The following PGM3 variants were observed in gnomAD, a reference collection of about 807,000 sequenced individuals.
PGM3 encodes phosphoacetylglucosamine mutase.
In PGM3, 40 loss-of-function variants were observed where a neutral mutation model predicts 66.2. That is an observed-to-expected ratio of 0.60 (90% CI 0.47 to 0.79). The LOEUF (loss-of-function observed/expected upper bound fraction) is 0.79, where lower values mean the gene tolerates loss of function less well. Ranked by LOEUF, PGM3 falls within the 30% of genes least tolerant of loss-of-function variation. The pLI, the probability that PGM3 is intolerant of heterozygous loss-of-function variation, is 0.00. For synonymous variants in PGM3, 191 were observed against 224.2 expected (o/e 0.85, Z 1.32); for missense variants, 537 against 643.4 (o/e 0.83, Z 1.79).
downstream of PGM3, chr6:83,158,621 C>T (rs773538615): frequency 1.6e-5 from 25 of 1,597,878 alleles, no homozygotes; most frequent in Admixed American, 1.0e-4. Context: ...AGATATTTCA[C>T]GGTAATATGT....
At chr6:83,155,931 T>C in the PGM3 span, 1 of 1,603,036 alleles carries the variant, frequency 6.2e-7, no homozygotes, top group Non-Finnish European at 8.5e-7. Flanking sequence ...TGTCACAGTC[T>C]CTTTCACTTG....
At position 83,190,973 on chromosome 6, in the gene PGM3, C is replaced by T. The variant is rs760545832; in HGVS notation, c.40G>A (p.Ala14Thr). 5.6e-6 allele frequency: 9 copies of T among 1,613,916 alleles called. No homozygotes were observed. Among genetic ancestry groups the T allele is most frequent in the African/African-American group, 1.3e-5 (1 of 74,900 alleles). The change falls in exon 2 of 13, where the codon GCC becomes ACC. Residue 14 changes from alanine (A) to threonine (T), a missense_variant. Ala to Thr is a moderately conservative substitution (Grantham distance 58). Transcript: ENST00000513973. ...GAITKYSALH[A>T]KPNGLILQYG... ...TGAAGGATCAGTCCATTGGGCTTGG[C>T]GTGTAATGCTGAGTATTTTGTAATA...
chr6:83,155,916 G>T, the PGM3 span: 2 of 1,589,362 alleles, frequency 1.3e-6, no homozygotes, highest in South Asian at 2.3e-5. Context: ...TTCTTCAGAT[G>T]ACAGTGTCAC....
At chr6:83,153,938 G>A in the PGM3 span, 1 of 1,613,808 alleles carries the variant, frequency 6.2e-7, no homozygotes, top group Non-Finnish European at 8.5e-7. Flanking sequence ...CAGCTGCTCA[G>A]CAGTCTTAGT....
intron 3 of PGM3, 49 bp from the exon 4 acceptor site, chr6:83,187,124 G>T (rs1363277579): frequency 8.1e-7 from 1 of 1,241,338 alleles, no homozygotes. Flanking sequence ...GAAACTGGCA[G>T]GGTTGCTGGT....
chr6:83,152,056 A>G, the PGM3 span: 34 of 1,612,608 alleles, frequency 2.1e-5, no homozygotes, highest in African/African-American at 4.3e-4. Context: ...TAGGTTTATT[A>G]TCTGTAAGCA....
In PGM3 at chr6:83,167,407, G is replaced by C; in HGVS notation, c.*1827C>G. On this transcript the variant is annotated 3_prime_UTR_variant, in exon 13 of 13. Coordinates refer to ENST00000513973, the MANE Select transcript of PGM3 (RefSeq NM_015599.3). ...CATCATGGCAAATTTAGGCCATTTA[G>C]ATAAAAGGGAATTAACTAATTATAA... 1.0e-6 allele frequency: 1 copy of C among 981,432 alleles called. No homozygotes were observed. The highest frequency in any genetic ancestry group is 1.2e-6 in the Non-Finnish European group (1 of 826,182). 60.8% of individuals were successfully genotyped at this position (981,432 alleles called of 1,614,324 possible). A position where few individuals can be genotyped will look rare whatever the true frequency, so the allele number is the denominator to read the frequency against.
chr6:83,152,120 T>G, the PGM3 span: 1 of 1,444,562 alleles, frequency 6.9e-7, no homozygotes, highest in East Asian at 2.3e-5. Flanking sequence ...ACCACAAATT[T>G]ATCCCTTTTC....
chr6:83,152,860 C>T, the PGM3 span, among the ~76,000 whole-genome samples: 5 of 152,050 alleles, frequency 3.3e-5, no homozygotes, highest in South Asian at 4.1e-4. Flanking sequence ...TCAGGTAATC[C>T]GCCCACCTCG....
intron 9 of PGM3, among the ~76,000 whole-genome samples, chr6:83,175,694 T>C (rs1159703525): frequency 6.6e-6 from 1 of 152,196 alleles, no homozygotes; most frequent in African/African-American, 2.4e-5. Flanking sequence ...ATAGACAACA[T>C]ACTTATAAAA....
chr6:83,192,708 A>T (rs1233139848), intron 1 of PGM3, among the ~76,000 whole-genome samples: 1 of 152,168 alleles, frequency 6.6e-6, no homozygotes, highest in African/African-American at 2.4e-5. Flanking sequence ...CATTAAAAAA[A>T]AAAAGGTCCA....
chr6:83,155,701 A>C, the PGM3 span, among the ~76,000 whole-genome samples: 117 of 152,304 alleles, frequency 7.7e-4, no homozygotes, highest in African/African-American at 2.6e-3. Context: ...AAATGGTATT[A>C]GTGGTTTTAC....
At chr6:83,183,022 A>G in intron 4 of PGM3, 44 bp from the exon 5 acceptor site, 3 of 1,588,964 alleles carry the variant, frequency 1.9e-6, no homozygotes, top group Non-Finnish European at 2.6e-6. Flanking sequence ...TTTCTTAACA[A>G]AGAGAAAAAA....
At chr6:83,184,460 T>TTAGA (rs1788427988) in intron 4 of PGM3, among the ~76,000 whole-genome samples, 1 of 152,228 alleles carries the variant, frequency 6.6e-6, no homozygotes, top group African/African-American at 2.4e-5. Flanking sequence ...CTTAGATTAG[T>TTAGA]TTAATGGAAG....
chr6:83,189,601 T>G (rs1788888630), intron 2 of PGM3, among the ~76,000 whole-genome samples: 1 of 152,220 alleles, frequency 6.6e-6, no homozygotes, highest in African/African-American at 2.4e-5. Flanking sequence ...AACTTGCTGC[T>G]GATTTAGCTA....
rs761340567 is a variant in PGM3, at chr6:83,172,071, GA to G, written c.1243-13del. The G allele has an allele frequency of 5.6e-6, 9 of 1,611,554 alleles. No homozygotes were observed. The highest frequency in any genetic ancestry group is 7.6e-6 in the Non-Finnish European group (9 of 1,179,312). ...GCATCACCAGCTGCCTGCAAATGGG[GA>G]AACAAATGGAAGAAACCACTTAACA... On this transcript the variant is annotated splice_polypyrimidine_tract_variant and intron_variant, in intron 10 of 12. Transcript: ENST00000513973.
chr6:83,182,670 G>A (rs535618644), intron 5 of PGM3, among the ~76,000 whole-genome samples, 175 bp downstream of exon 5: 2 of 152,262 alleles, frequency 1.3e-5, no homozygotes, highest in Non-Finnish European at 2.9e-5. Context: ...GCCAATGTAA[G>A]TTAGCAGGAT....
At chr6:83,173,117 CA>C (rs1166037647) in intron 10 of PGM3, among the ~76,000 whole-genome samples, 2 of 152,292 alleles carry the variant, frequency 1.3e-5, no homozygotes, top group East Asian at 3.9e-4. Flanking sequence ...GCAAATATCC[CA>C]AAATCCAGTG....
At chr6:83,191,291 AC>A in intron 1 of PGM3, 2 of 1,481,594 alleles carry the variant, frequency 1.3e-6, no homozygotes, top group Non-Finnish European at 1.8e-6. Context: ...ACTATCCTGG[AC>A]GCCGGGCACA....
Sources: allele counts gnomAD v4.1 joint callset (sites outside exome capture counted in the v4.1 genomes callset), GRCh38; gene constraint gnomAD v4.1.1; transcripts MANE v1.5; gene names NCBI Gene and HGNC (gene_info 2026-07-23, HGNC 2026-07-21).